FAM81B: variants seen among roughly 807,000 people sequenced by gnomAD.
The protein encoded by FAM81B is family with sequence similarity 81 member B.
A neutral mutation model predicts 58.7 loss-of-function variants in FAM81B; 60 were observed. The ratio of observed to expected loss-of-function variants is 1.02; its 90% CI spans 0.83 to 1.27. FAM81B has a LOEUF of 1.27. Among genes scored for constraint, FAM81B ranks in the 50% most tolerant of loss-of-function variants. The pLI, the probability that FAM81B is intolerant of heterozygous loss-of-function variation, is 0.00. For missense variants in FAM81B, 491 were observed against 522.0 expected, an observed-to-expected ratio of 0.94 and a Z score of 0.58; for synonymous variants, 189 against 179.6, an observed-to-expected ratio of 1.05 and a Z score of -0.42.
intron 3 of FAM81B, among the ~76,000 whole-genome samples, chr5:95,399,323 T>C (rs1422514381): frequency 6.6e-6 from 1 of 152,246 alleles, no homozygotes; most frequent in African/African-American, 2.4e-5. Flanking sequence ...TTGCTTTTGT[T>C]ACTACATGGT....
chr5:95,394,306 A>C (rs1761906169), intron 2 of FAM81B, among the ~76,000 whole-genome samples: 1 of 152,238 alleles, frequency 6.6e-6, no homozygotes, highest in Admixed American at 6.5e-5. Flanking sequence ...AGAAAGGAGG[A>C]CAAGTTAGTG....
At position 95,402,474 on chromosome 5, in the gene FAM81B, C is replaced by A. The variant is rs148903277; in HGVS notation, c.293+6299C>A. On this transcript the variant is annotated intron_variant, in intron 3 of 9. Transcript: ENST00000283357. Reference sequence around the variant, plus strand: ...AAGGAATTTCAAAAAGGAAAGCTCTCCACTTAAACATAAAATAAATTTTAA... The same window carrying A: ...AAGGAATTTCAAAAAGGAAAGCTCTACACTTAAACATAAAATAAATTTTAA... Among the ~76,000 whole-genome samples, 511 of 152,252 alleles carry A rather than the reference C, an allele frequency of 3.4e-3. 2 individuals carry two copies. Among genetic ancestry groups the A allele is most frequent in the Non-Finnish European group, 5.1e-3 (349 of 68,016 alleles).
At chr5:95,427,005 T>C (rs1034735835) in intron 5 of FAM81B, among the ~76,000 whole-genome samples, 37 of 152,184 alleles carry the variant, frequency 2.4e-4, no homozygotes, top group Admixed American at 1.1e-3. Context: ...GCCGAGATTG[T>C]GCCACTGCAC....
chr5:95,440,569 A>C (rs1745298479), intron 7 of FAM81B: 2 of 581,784 alleles, frequency 3.4e-6, no homozygotes, highest in African/African-American at 3.8e-5. Flanking sequence ...CAAATTCTGC[A>C]ATTACTGCAT....
intron 8 of FAM81B, 91 bp downstream of exon 8, chr5:95,446,788 T>C (rs1486490332): frequency 6.6e-7 from 1 of 1,515,806 alleles, no homozygotes; most frequent in Admixed American, 2.2e-5. Flanking sequence ...TCAACATTTA[T>C]GGTAATCTTC....
At chr5:95,435,582 GAA>G (rs932937382) in intron 6 of FAM81B, among the ~76,000 whole-genome samples, 4 of 152,052 alleles carry the variant, frequency 2.6e-5, no homozygotes, top group South Asian at 2.1e-4. Context: ...AAAGAGTCAA[GAA>G]AAGTCATTTA....
chr5:95,420,141 T>C, intron 4 of FAM81B, 143 bp from the exon 5 acceptor site: 1 of 933,260 alleles, frequency 1.1e-6, no homozygotes, highest in East Asian at 2.6e-5. Context: ...AGAGATCACT[T>C]CTCTCTGAGA....
chr5:95,430,835 G>C (rs1019742921), intron 6 of FAM81B, among the ~76,000 whole-genome samples: 5 of 152,034 alleles, frequency 3.3e-5, no homozygotes, highest in Non-Finnish European at 7.4e-5. Context: ...AAAATGTCCT[G>C]TGTCTCCATT....
chr5:95,393,962 C>T (rs1761897749), intron 2 of FAM81B, among the ~76,000 whole-genome samples: 1 of 152,064 alleles, frequency 6.6e-6, no homozygotes, highest in Non-Finnish European at 1.5e-5. Context: ...GAGGATAAAA[C>T]AGAACTGACT....
At chr5:95,417,312 T>C (rs137990568) in intron 4 of FAM81B, among the ~76,000 whole-genome samples, 220 of 152,160 alleles carry the variant, frequency 1.4e-3, no homozygotes, top group African/African-American at 5.0e-3. Flanking sequence ...AGAAATAAGA[T>C]TTTTTTTCTT....
intron 1 of FAM81B, among the ~76,000 whole-genome samples, chr5:95,391,772 T>C (rs527574953): frequency 6.6e-6 from 1 of 152,196 alleles, no homozygotes; most frequent in Non-Finnish European, 1.5e-5. Flanking sequence ...TCACTTGTCA[T>C]TACAGAAATG....
intron 7 of FAM81B, among the ~76,000 whole-genome samples, chr5:95,445,842 T>C (rs552224333): frequency 1.3e-5 from 2 of 152,236 alleles, no homozygotes; most frequent in East Asian, 3.9e-4. Context: ...CTCTGACCTT[T>C]CTCTCCTCTG....
intron 5 of FAM81B, among the ~76,000 whole-genome samples, chr5:95,425,299 T>C (rs1762794961): frequency 6.6e-6 from 1 of 152,046 alleles, no homozygotes; most frequent in Middle Eastern, 3.4e-3. Flanking sequence ...AACCAAGATA[T>C]CCTGGTTGAA....
chr5:95,399,253 G>T (rs1261992530), intron 3 of FAM81B, among the ~76,000 whole-genome samples: 2 of 152,204 alleles, frequency 1.3e-5, no homozygotes, highest in Non-Finnish European at 2.9e-5. Context: ...GGGTCTGAAA[G>T]TATTCATTTT....
Position 95,450,314 on chromosome 5 carries a change from A to T in FAM81B, c.*32A>T. 1 of 1,602,410 alleles carries T rather than the reference A, an allele frequency of 6.2e-7. No homozygotes were observed. Among genetic ancestry groups the T allele is most frequent in the Non-Finnish European group, 8.5e-7 (1 of 1,176,248 alleles). On this transcript the variant is annotated 3_prime_UTR_variant, in exon 10 of 10. Transcript: ENST00000283357. ...TCAGTCATCTTCTTTTTCATCAGCC[A>T]ATGGAGTGATTTGTTGGAAAAAGTT...
chr5:95,399,658 G>T (rs1179680564), intron 3 of FAM81B, among the ~76,000 whole-genome samples: 1 of 152,102 alleles, frequency 6.6e-6, no homozygotes, highest in Non-Finnish European at 1.5e-5. Context: ...CTGCTCAAGC[G>T]TGAGAACTCC....
At chr5:95,394,865 G>A (rs917840600) in intron 2 of FAM81B, among the ~76,000 whole-genome samples, 1 of 152,096 alleles carries the variant, frequency 6.6e-6, no homozygotes, top group Non-Finnish European at 1.5e-5. Flanking sequence ...TTGAAGGAGT[G>A]AGGTATCCAA....
At chr5:95,446,495 T>G in intron 7 of FAM81B, 67 bp from the exon 8 acceptor site, 1 of 1,418,676 alleles carries the variant, frequency 7.0e-7, no homozygotes, top group African/African-American at 1.5e-5. Flanking sequence ...ACTGCAGACT[T>G]TTTCAATACT....
chr5:95,426,088 CTG>C (rs77896259), intron 5 of FAM81B, among the ~76,000 whole-genome samples: 5,560 of 90,028 alleles, frequency 0.062, 184 homozygotes, highest in East Asian at 0.085. Context: ...CTTCCTATCT[CTG>C]TGTGTATATA....
Sources: allele counts gnomAD v4.1 joint callset (sites outside exome capture counted in the v4.1 genomes callset), GRCh38; gene constraint gnomAD v4.1.1; transcripts MANE v1.5; gene names NCBI Gene and HGNC (gene_info 2026-07-23, HGNC 2026-07-21).